The following TRMT11 variants were observed in gnomAD, a reference collection of about 807,000 sequenced individuals.
The protein encoded by TRMT11 is tRNA (guanine(10)-N(2))-methyltransferase TRMT11.
Under a neutral mutation model 62.8 loss-of-function variants are expected in TRMT11, and 53 were observed. The observed-to-expected ratio is 0.84, with a 90% CI of 0.68 to 1.06. The LOEUF (loss-of-function observed/expected upper bound fraction) is 1.06, where lower values mean the gene tolerates loss of function less well. Ranked by LOEUF, TRMT11 falls within the 50% of genes least tolerant of loss-of-function variation. TRMT11 has a pLI of 0.00. For synonymous variants in TRMT11, 188 were observed against 190.3 expected (o/e 0.99, Z 0.10); for missense variants, 556 against 553.4 (o/e 1.00, Z -0.05).
chr6:126,012,992 T>G lies in TRMT11; in HGVS notation c.1030T>G (p.Ser344Ala). The change falls in exon 11 of 13, where the codon TCC (serine) becomes GCC (alanine). Residue 344 changes from serine (S) to alanine (A), a missense_variant. Transcript: ENST00000334379. ...EKCPESHVPV[S>A]LSYHLSDMFL... ...TAGTCCAGAAAGCCATGTTCCTGTT[T>G]CCTTGAGTTATCATCTGAGTGATAT... is the stretch of plus-strand genomic sequence containing the variant. 6.2e-7 allele frequency: 1 copy of G among 1,613,368 alleles called. No homozygotes were observed. Among genetic ancestry groups the G allele is most frequent in the Non-Finnish European group, 8.5e-7 (1 of 1,179,592 alleles).
At chr6:126,067,743 T>C (rs1296452643) in intron 17 of TRMT11, among the ~76,000 whole-genome samples, 3 of 152,220 alleles carry the variant, frequency 2.0e-5, no homozygotes, top group Non-Finnish European at 4.4e-5. Context: ...CTCTATTTTC[T>C]ACTTTAATGA....
downstream of TRMT11, among the ~76,000 whole-genome samples, chr6:126,043,666 A>G (rs1229449440): frequency 6.6e-6 from 1 of 152,124 alleles, no homozygotes; most frequent in African/African-American, 2.4e-5. Context: ...TTACAGTCCC[A>G]CCAACAGTGT....
intron 21 of TRMT11, among the ~76,000 whole-genome samples, chr6:126,154,361 G>T (rs1489271434): frequency 6.6e-6 from 1 of 151,180 alleles, no homozygotes; most frequent in Non-Finnish European, 1.5e-5. Context: ...GTGTGTGTGT[G>T]TGTCTGTAGC....
intron 21 of TRMT11, among the ~76,000 whole-genome samples, chr6:126,120,521 T>C (rs528202582): frequency 4.6e-5 from 7 of 152,084 alleles, no homozygotes; most frequent in Non-Finnish European, 8.8e-5. Context: ...TCTAAGGAGG[T>C]TGACTTCAGC....
intron 17 of TRMT11, among the ~76,000 whole-genome samples, chr6:126,053,196 TAGTC>T (rs1344245558): frequency 1.3e-5 from 2 of 152,104 alleles, no homozygotes; most frequent in Admixed American, 6.5e-5. Context: ...AAGAGGTAAG[TAGTC>T]AGTTAAAATA....
At chr6:126,078,483 T>A (rs1057045444) in intron 17 of TRMT11, among the ~76,000 whole-genome samples, 3 of 151,806 alleles carry the variant, frequency 2.0e-5, no homozygotes, top group African/African-American at 7.3e-5. Flanking sequence ...ATTCCATCAC[T>A]AATTCCCATG....
chr6:126,081,910 A>C (rs867387575), intron 17 of TRMT11, among the ~76,000 whole-genome samples: 8 of 152,206 alleles, frequency 5.3e-5, no homozygotes, highest in Non-Finnish European at 8.8e-5. Context: ...GCAGATCTGT[A>C]GGGTTTTGGA....
At chr6:126,198,388 T>A (rs1160425412) in intron 1 of TRMT11, among the ~76,000 whole-genome samples, 8 of 152,200 alleles carry the variant, frequency 5.3e-5, no homozygotes, top group African/African-American at 1.7e-4. Flanking sequence ...TTTTTAAAGG[T>A]AATTTTAAAT....
intron 21 of TRMT11, among the ~76,000 whole-genome samples, chr6:126,147,332 T>C: frequency 6.6e-6 from 1 of 152,208 alleles, no homozygotes; most frequent in East Asian, 1.9e-4. Context: ...ATAAACATGC[T>C]CATGATGTCA....
chr6:126,132,556 A>G (rs561731207), intron 21 of TRMT11, among the ~76,000 whole-genome samples: 2 of 152,160 alleles, frequency 1.3e-5, no homozygotes, highest in African/African-American at 4.8e-5. Flanking sequence ...ATACTGTCTA[A>G]TGAGTGCTGG....
chr6:126,166,380 T>A (rs1032373256), intron 21 of TRMT11, among the ~76,000 whole-genome samples: 1 of 152,172 alleles, frequency 6.6e-6, no homozygotes, highest in Admixed American at 6.5e-5. Context: ...TTCCTTCTAA[T>A]AGTCAGGGCC....
At chr6:126,255,322 G>A in the TRMT11 span, among the ~76,000 whole-genome samples, 1 of 152,102 alleles carries the variant, frequency 6.6e-6, no homozygotes, top group Non-Finnish European at 1.5e-5. Context: ...CTGATAACAT[G>A]ACTTAATTTG....
At chr6:126,182,850 T>G (rs978174952) in intron 1 of TRMT11, among the ~76,000 whole-genome samples, 7 of 152,160 alleles carry the variant, frequency 4.6e-5, no homozygotes, top group African/African-American at 1.7e-4. Context: ...TCACCTTTTT[T>G]ATTTTGCAAT....
At chr6:126,222,002 A>G in the TRMT11 span, among the ~76,000 whole-genome samples, 1 of 152,172 alleles carries the variant, frequency 6.6e-6, no homozygotes, top group Non-Finnish European at 1.5e-5. Context: ...GCGAAAGGAA[A>G]GGGTCCAGTA....
chr6:126,205,354 A>G (rs1310312163), downstream of TRMT11, among the ~76,000 whole-genome samples: 2 of 152,044 alleles, frequency 1.3e-5, no homozygotes, highest in African/African-American at 4.8e-5. Context: ...AAATACAAAA[A>G]TTTGCTGGGC....
At chr6:126,039,765 G>T (rs192693284), downstream of TRMT11, among the ~76,000 whole-genome samples, 1 of 152,094 alleles carries the variant, frequency 6.6e-6, no homozygotes, top group Non-Finnish European at 1.5e-5. Flanking sequence ...CAGCAGGGTG[G>T]CAGTAAATGG....
the TRMT11 span, among the ~76,000 whole-genome samples, chr6:126,219,005 G>A: frequency 6.6e-6 from 1 of 152,050 alleles, no homozygotes; most frequent in Non-Finnish European, 1.5e-5. Flanking sequence ...CCAATACAAA[G>A]TCCCACAATT....
At chr6:126,206,480 A>T (rs549435864), downstream of TRMT11, among the ~76,000 whole-genome samples, 4 of 152,366 alleles carry the variant, frequency 2.6e-5, no homozygotes, top group South Asian at 8.3e-4. Context: ...TTTAGTTCAC[A>T]GCACAAGCAC....
intron 1 of TRMT11, among the ~76,000 whole-genome samples, chr6:126,192,341 TG>T (rs1391993421): frequency 6.6e-6 from 1 of 152,146 alleles, no homozygotes; most frequent in African/African-American, 2.4e-5. Context: ...AGTTTTTTGG[TG>T]AAGGCTTTAG....
Sources: gnomAD v4.1 joint callset for allele counts (sites outside exome capture counted in the v4.1 genomes callset) on GRCh38, gnomAD v4.1.1 for gene constraint, MANE v1.5 for transcripts, NCBI Gene and HGNC (gene_info 2026-07-23, HGNC 2026-07-21) for gene names.